Variants in BBS12 observed in about 807,000 individuals in gnomAD.
BBS12 encodes chaperonin-containing T-complex member BBS12.
In BBS12, 5 loss-of-function variants were observed where a neutral mutation model predicts 5.6. That is an observed-to-expected ratio of 0.89 (90% confidence interval 0.46 to 1.86). The LOEUF (loss-of-function observed/expected upper bound fraction) is 1.86, where lower values mean the gene tolerates loss of function less well. Ranked by LOEUF, BBS12 falls within the 40% of genes most tolerant of loss-of-function variation. The pLI is 0.01. For synonymous variants in BBS12, 308 were observed against 306.8 expected (o/e 1.00, Z -0.04); for missense variants, 748 against 830.4 (o/e 0.90, Z 1.22).
the BBS12 span, among the ~76,000 whole-genome samples, chr4:122,716,723 A>G: frequency 0.16 from 11,443 of 73,178 alleles, 2,060 homozygotes; most frequent in African/African-American, 0.3. Flanking sequence ...ATATGTGTGT[A>G]TATACACACA....
At chr4:122,711,359 GA>G in the BBS12 span, among the ~76,000 whole-genome samples, 1,218 of 134,818 alleles carry the variant, frequency 9.0e-3, 7 homozygotes, top group African/African-American at 0.022. Flanking sequence ...ATCCTGATTG[GA>G]AAAAAAAAAA....
chr4:122,707,076 T>TC, the BBS12 span, among the ~76,000 whole-genome samples: 12 of 143,682 alleles, frequency 8.4e-5, no homozygotes, highest in African/African-American at 3.3e-4. Context: ...TTTTTTTTTT[T>TC]CAGAGAGAGA....
chr4:122,727,544 A>ATTTTTTTTTTTTTTTTTTTTTTTTT, the BBS12 span, among the ~76,000 whole-genome samples: 18 of 82,290 alleles, frequency 2.2e-4, 3 homozygotes, highest in East Asian at 9.3e-4. Flanking sequence ...CCCCTGGCCA[A>ATTTTTTTTTTTTTTTTTTTTTTTTT]TTTTTTTTTT....
chr4:122,707,827 AG>A, the BBS12 span, among the ~76,000 whole-genome samples: 1 of 152,090 alleles, frequency 6.6e-6, no homozygotes, highest in Non-Finnish European at 1.5e-5. Context: ...GGGGCAAGAG[AG>A]GAAAGGGGAA....
chr4:122,741,547 TG>T (rs1160251535), intron 1 of BBS12, among the ~76,000 whole-genome samples: 1 of 152,216 alleles, frequency 6.6e-6, no homozygotes, highest in African/African-American at 2.4e-5. Flanking sequence ...GAATACACTA[TG>T]TTTTTTTCAC....
chr4:122,744,207 C>A lies in BBS12; in HGVS notation c.*182C>A. The A allele has an allele frequency of 1.5e-6, 1 of 658,266 alleles. No individual in the cohort carries two copies. The highest frequency in any genetic ancestry group is 2.6e-6 in the Non-Finnish European group (1 of 383,988). The allele number at this position is 658,266 out of a possible 1,614,324, so 40.8% of individuals were successfully genotyped here. A position where few individuals can be genotyped will look rare whatever the true frequency, so the allele number is the denominator to read the frequency against. On this transcript the variant is annotated 3_prime_UTR_variant, in exon 2 of 2. Transcript: ENST00000314218. Reference sequence around the variant, plus strand: ...CCTACTTATAAGCTAACAAGTTAGCCTGTTACTGTTTCGTGGGATGCTACA... The same window carrying A: ...CCTACTTATAAGCTAACAAGTTAGCATGTTACTGTTTCGTGGGATGCTACA...
chr4:122,730,446 TAAACTAA>T (rs755978900), upstream of BBS12: 1 of 152,228 alleles, frequency 6.6e-6, no homozygotes, highest in Admixed American at 6.5e-5. Context: ...TGTGTACATA[TAAACTAA>T]AAACTGAAAA....
the BBS12 span, among the ~76,000 whole-genome samples, chr4:122,707,349 T>C: frequency 3.9e-5 from 6 of 152,244 alleles, no homozygotes; most frequent in East Asian, 5.8e-4. Context: ...ATTGAAACCA[T>C]GTATCTTAAC....
At chr4:122,724,108 T>C in the BBS12 span, among the ~76,000 whole-genome samples, 318 of 152,352 alleles carry the variant, frequency 2.1e-3, no homozygotes, top group Admixed American at 3.6e-3. Flanking sequence ...AATCTATTGC[T>C]GCATAACTGT....
intron 1 of BBS12, among the ~76,000 whole-genome samples, chr4:122,733,671 G>A (rs1365199578): frequency 6.6e-6 from 1 of 152,114 alleles, no homozygotes; most frequent in African/African-American, 2.4e-5. Flanking sequence ...GAAAGACTGA[G>A]GTAGGATGGA....
At chr4:122,728,805 C>T (rs1193146348), upstream of BBS12, 2 of 152,170 alleles carry the variant, frequency 1.3e-5, no homozygotes, top group Non-Finnish European at 2.9e-5. Context: ...TAAAAATGAA[C>T]CAGGTAGTGT....
At chr4:122,737,320 C>T (rs939127198) in intron 1 of BBS12, among the ~76,000 whole-genome samples, 2 of 152,100 alleles carry the variant, frequency 1.3e-5, no homozygotes, top group Non-Finnish European at 1.5e-5. Context: ...GCAAGGGGCA[C>T]CTAAAAGGCA....
At chr4:122,731,690 T>C (rs1329321794), upstream of BBS12, 1 of 152,202 alleles carries the variant, frequency 6.6e-6, no homozygotes, top group Non-Finnish European at 1.5e-5. Flanking sequence ...CAATCTGAAA[T>C]AGGAAGAAAA....
chr4:122,716,651 GTA>G, the BBS12 span, among the ~76,000 whole-genome samples: 5,570 of 91,846 alleles, frequency 0.061, 495 homozygotes, highest in African/African-American at 0.18. Context: ...ACACGTGTGT[GTA>G]TATGCACATA....
upstream of BBS12, chr4:122,730,311 T>A (rs1226211021): frequency 6.6e-6 from 1 of 152,210 alleles, no homozygotes; most frequent in Non-Finnish European, 1.5e-5. Context: ...GCAGCTAGAA[T>A]CAATACTGTT....
In BBS12 at chr4:122,743,746, C is replaced by T. The variant is rs768092773; in HGVS notation, c.1854C>T (p.Tyr618=). Residue 618 remains tyrosine, a synonymous_variant, in exon 2 of 2, where the codon TAC becomes TAT. Coordinates refer to ENST00000314218, the MANE Select transcript of BBS12 (RefSeq NM_152618.3). ...NYSSEFEAST[Y]IQHHLQNATD... The stretch of plus-strand genomic sequence containing the variant: ...CATCAGAATTTGAAGCCAGCACATA[C>T]ATTCAACATCATCTGCAAAATGCCA... 2.5e-6 allele frequency: 4 copies of T among 1,614,202 alleles called. No homozygotes were observed. Among genetic ancestry groups the T allele is most frequent in the Non-Finnish European group, 3.4e-6 (4 of 1,180,038 alleles).
upstream of BBS12, chr4:122,729,460 T>A (rs1800670755): frequency 6.6e-6 from 1 of 152,176 alleles, no homozygotes; most frequent in Non-Finnish European, 1.5e-5. Context: ...AAATACACAG[T>A]TATCTTGAAA....
chr4:122,740,872 A>G (rs1314659459), intron 1 of BBS12, among the ~76,000 whole-genome samples: 1 of 152,196 alleles, frequency 6.6e-6, no homozygotes, highest in Non-Finnish European at 1.5e-5. Flanking sequence ...TATAATGACT[A>G]TGAAATAGCT....
the BBS12 span, among the ~76,000 whole-genome samples, chr4:122,706,586 T>C: frequency 6.6e-6 from 1 of 152,032 alleles, no homozygotes; most frequent in African/African-American, 2.4e-5. Context: ...GAAAAAAAAA[T>C]TCCTAAGACT....
Sources: gnomAD v4.1 joint callset for allele counts (sites outside exome capture counted in the v4.1 genomes callset) on GRCh38, gnomAD v4.1.1 for gene constraint, MANE v1.5 for transcripts, NCBI Gene and HGNC (gene_info 2026-07-23, HGNC 2026-07-21) for gene names.